The following ERG28 variants were observed in gnomAD, a reference collection of about 807,000 sequenced individuals.
The protein encoded by ERG28 is ergosterol biosynthetic protein 28 homolog.
In ERG28, 9 loss-of-function variants were observed where a neutral mutation model predicts 15.7. The observed-to-expected ratio is 0.57, with a 90% CI of 0.35 to 1.00. The LOEUF (loss-of-function observed/expected upper bound fraction) is 1.00. ERG28 is among the 50% of genes least tolerant of loss of function. The pLI, the probability that ERG28 is intolerant of heterozygous loss-of-function variation, is 0.02. For synonymous variants in ERG28, 61 were observed against 68.4 expected, an observed-to-expected ratio of 0.89 and a Z score of 0.53; for missense variants, 117 against 173.3, an observed-to-expected ratio of 0.68 and a Z score of 1.82.
intron 3 of ERG28, among the ~76,000 whole-genome samples, chr14:75,653,174 G>C (rs1355420437): frequency 1.3e-5 from 2 of 152,106 alleles, no homozygotes; most frequent in Non-Finnish European, 2.9e-5. Context: ...TCTAGTTAGG[G>C]AGGGAATAGG....
At chr14:75,654,864 A>C in intron 3 of ERG28, 22 bp downstream of exon 3, 1 of 1,593,336 alleles carries the variant, frequency 6.3e-7, no homozygotes, top group Non-Finnish European at 8.6e-7. Context: ...AGGATGCTAA[A>C]GCTCTTCCTT....
At chr14:75,658,739 G>A (rs1890630596) in intron 1 of ERG28, among the ~76,000 whole-genome samples, 1 of 152,086 alleles carries the variant, frequency 6.6e-6, no homozygotes, top group African/African-American at 2.4e-5. Flanking sequence ...AGCTCCTCCT[G>A]TAACCTGTCG....
At chr14:75,651,742 T>A in intron 4 of ERG28, 29 bp downstream of exon 4, 1 of 1,595,876 alleles carries the variant, frequency 6.3e-7, no homozygotes, top group Non-Finnish European at 8.6e-7. Flanking sequence ...ACAGCTCCTG[T>A]AGGAGGTCTA....
At chr14:75,660,515 A>C (rs1360735305) in intron 1 of ERG28, among the ~76,000 whole-genome samples, 2 of 152,216 alleles carry the variant, frequency 1.3e-5, no homozygotes, top group East Asian at 3.8e-4. Flanking sequence ...TATGACAAAA[A>C]GTGAAGGCTC....
chr14:75,656,688 C>T lies in ERG28; in HGVS notation c.133+682G>A, dbSNP rs1212491610. Among the ~76,000 whole-genome samples, 6 of 152,320 alleles carry T rather than the reference C, an allele frequency of 3.9e-5. No homozygotes were observed. In the East Asian group the frequency reaches 1.2e-3, roughly 29 times the overall value. ...CAGTGCTGCAGCTTAAACTACCCCA[C>T]ACATCAGCGTGATGAAGTGGAAGCT... On this transcript the variant is annotated intron_variant, in intron 2 of 4. Coordinates refer to ENST00000256319, the MANE Select transcript of ERG28 (RefSeq NM_007176.4).
intron 4 of ERG28, 33 bp from the exon 5 acceptor site, chr14:75,651,667 T>C: frequency 6.2e-7 from 1 of 1,601,016 alleles, no homozygotes; most frequent in Non-Finnish European, 8.6e-7. Flanking sequence ...GTGACTAACA[T>C]ACATACGGTA....
At chr14:75,660,556 T>C (rs1033736808) in intron 1 of ERG28, among the ~76,000 whole-genome samples, 1 of 152,196 alleles carries the variant, frequency 6.6e-6, no homozygotes, top group African/African-American at 2.4e-5. Flanking sequence ...TAGTGGCTGC[T>C]CATTCGCTCA....
intron 2 of ERG28, among the ~76,000 whole-genome samples, chr14:75,656,172 G>A (rs1664563207): frequency 6.6e-6 from 1 of 152,048 alleles, no homozygotes; most frequent in South Asian, 2.1e-4. Flanking sequence ...GATTAGGTAT[G>A]AGGTGAAATT....
intron 2 of ERG28, among the ~76,000 whole-genome samples, chr14:75,656,752 G>A (rs1330299056): frequency 2.6e-5 from 4 of 152,192 alleles, no homozygotes; most frequent in Non-Finnish European, 5.9e-5. Context: ...AGGAAGCCAG[G>A]AAAGGCTGCC....
chr14:75,652,427 T>C (rs933129375), intron 3 of ERG28, among the ~76,000 whole-genome samples: 26 of 152,324 alleles, frequency 1.7e-4, no homozygotes, highest in African/African-American at 5.8e-4. Flanking sequence ...CCTAGAAAAG[T>C]AGTCACATTG....
At chr14:75,652,967 G>A (rs1890548656) in intron 3 of ERG28, among the ~76,000 whole-genome samples, 1 of 151,834 alleles carries the variant, frequency 6.6e-6, no homozygotes, top group Non-Finnish European at 1.5e-5. Flanking sequence ...GGGACTACAG[G>A]TGCACACCAC....
intron 2 of ERG28, among the ~76,000 whole-genome samples, chr14:75,656,530 T>C (rs1273895822): frequency 1.3e-5 from 2 of 152,238 alleles, no homozygotes; most frequent in African/African-American, 4.8e-5. Context: ...TTATTATATT[T>C]GAGCTTTCTT....
intron 1 of ERG28, among the ~76,000 whole-genome samples, chr14:75,659,794 G>A (rs546167512): frequency 1.3e-5 from 2 of 152,088 alleles, no homozygotes; most frequent in South Asian, 4.2e-4. Flanking sequence ...TACAAGTTTC[G>A]GTATTGTTCT....
Position 75,657,359 on chromosome 14 carries a change from T to G in ERG28, c.133+11A>C. The G allele has an allele frequency of 6.2e-7, 1 of 1,613,932 alleles. No homozygotes were observed. The highest frequency in any genetic ancestry group is 2.2e-5 in the East Asian group (1 of 44,872). ...TCCTATAAAGGATGCAGAAATTCTTTGATTTCTTACCAAGGTTTGGCTTGC... is the reference window on the plus strand; with the variant it reads ...TCCTATAAAGGATGCAGAAATTCTTGGATTTCTTACCAAGGTTTGGCTTGC... On this transcript the variant is annotated intron_variant, in intron 2 of 4. Transcript: ENST00000256319.
At chr14:75,660,273 T>G (rs1890667845) in intron 1 of ERG28, among the ~76,000 whole-genome samples, 1 of 152,116 alleles carries the variant, frequency 6.6e-6, no homozygotes, top group Non-Finnish European at 1.5e-5. Context: ...CCTCTTAGAG[T>G]GTATACAACA....
intron 3 of ERG28, among the ~76,000 whole-genome samples, chr14:75,652,909 C>T (rs910383174): frequency 9.3e-5 from 14 of 150,444 alleles, no homozygotes; most frequent in Admixed American, 2.0e-4. Flanking sequence ...CTGCAACCTC[C>T]GCCTCTTGGG....
At chr14:75,660,250 T>G (rs1334786556) in intron 1 of ERG28, among the ~76,000 whole-genome samples, 1 of 152,210 alleles carries the variant, frequency 6.6e-6, no homozygotes, top group Non-Finnish European at 1.5e-5. Flanking sequence ...CTAATTTCCC[T>G]AAAGCTTAAG....
chr14:75,654,815 C>A (rs1890576095), intron 3 of ERG28, 71 bp downstream of exon 3: 1 of 1,447,568 alleles, frequency 6.9e-7, no homozygotes, highest in Non-Finnish European at 9.7e-7. Flanking sequence ...TCCCATTACT[C>A]AAGGTAACAG....
intron 1 of ERG28, among the ~76,000 whole-genome samples, chr14:75,658,849 T>C (rs1206686740): frequency 6.6e-6 from 1 of 152,072 alleles, no homozygotes; most frequent in East Asian, 1.9e-4. Flanking sequence ...CACTCTTCCC[T>C]GTTGGGTGGC....
Sources: gnomAD v4.1 joint callset for allele counts (sites outside exome capture counted in the v4.1 genomes callset) on GRCh38, gnomAD v4.1.1 for gene constraint, MANE v1.5 for transcripts, NCBI Gene and HGNC (gene_info 2026-07-23, HGNC 2026-07-21) for gene names.